The following RBFOX1 variants were observed in gnomAD, a reference collection of about 807,000 sequenced individuals.
The protein encoded by RBFOX1 is RNA binding protein fox-1 homolog 1.
In RBFOX1, 8 loss-of-function variants were observed where a neutral mutation model predicts 57.7. That is an observed-to-expected ratio of 0.14 (90% CI 0.08 to 0.25). The LOEUF (loss-of-function observed/expected upper bound fraction) is 0.25, where lower values mean the gene tolerates loss of function less well. Ranked by LOEUF, RBFOX1 falls within the 10% of genes least tolerant of loss-of-function variation. The pLI is 1.00. For synonymous variants in RBFOX1, 326 were observed against 222.4 expected (o/e 1.47, Z -4.15); for missense variants, 611 against 548.5 (o/e 1.11, Z -1.14).
chr16:6,922,122 C>T (rs927946868), intron 3 of RBFOX1, among the ~76,000 whole-genome samples: 2 of 152,110 alleles, frequency 1.3e-5, no homozygotes, highest in African/African-American at 4.8e-5. Context: ...CAGGCTGTTC[C>T]CTGTGCAACT....
At chr16:5,730,541 C>T (rs80228980) in intron 3 of RBFOX1, among the ~76,000 whole-genome samples, 3 of 152,126 alleles carry the variant, frequency 2.0e-5, no homozygotes, top group Non-Finnish European at 4.4e-5. Flanking sequence ...TAGAATAATA[C>T]TAATAATCAT....
intron 11 of RBFOX1, among the ~76,000 whole-genome samples, chr16:7,644,936 A>G (rs2063474196): frequency 6.6e-6 from 1 of 152,168 alleles, no homozygotes; most frequent in South Asian, 2.1e-4. Context: ...GACAAAGGAG[A>G]GAGAATCTGC....
At chr16:6,946,525 G>T (rs1259641745) in intron 3 of RBFOX1, among the ~76,000 whole-genome samples, 2 of 152,092 alleles carry the variant, frequency 1.3e-5, no homozygotes, top group African/African-American at 4.8e-5. Flanking sequence ...CATCCCTACT[G>T]TGTTTTCTAA....
At chr16:7,652,953 GA>G (rs1303054975) in intron 11 of RBFOX1, among the ~76,000 whole-genome samples, 1 of 152,158 alleles carries the variant, frequency 6.6e-6, no homozygotes, top group African/African-American at 2.4e-5. Context: ...TAGGATGGGG[GA>G]AAGTTATGAA....
At chr16:7,390,453 C>T (rs957598295) in intron 4 of RBFOX1, among the ~76,000 whole-genome samples, 1 of 152,196 alleles carries the variant, frequency 6.6e-6, no homozygotes, top group Non-Finnish European at 1.5e-5. Context: ...AGGGACCTTA[C>T]TCACATCTTC....
At chr16:7,280,978 TCC>T (rs2095531110) in intron 4 of RBFOX1, among the ~76,000 whole-genome samples, 3 of 26,888 alleles carry the variant, frequency 1.1e-4, no homozygotes, top group African/African-American at 3.8e-4. Context: ...CCTCCCTCCC[TCC>T]CTCCCTCCCT....
chr16:7,140,130 C>G lies in RBFOX1; in HGVS notation c.27+88032C>G, dbSNP rs141691011. Among the ~76,000 whole-genome samples, 647 of 148,422 alleles carry G rather than the reference C, an allele frequency of 4.4e-3. 5 individuals are homozygous for G. The highest frequency in any genetic ancestry group is 0.015 in the African/African-American group (613 of 40,306). ...TCTCTCTGCATGAAACTAATTCATT[C>G]TCATTCTCTTATTCTCTCCTTCTCT... On this transcript the variant is annotated intron_variant, in intron 4 of 15. Transcript: ENST00000550418.
At chr16:7,453,589 T>G (rs904797280) in intron 4 of RBFOX1, among the ~76,000 whole-genome samples, 3 of 152,166 alleles carry the variant, frequency 2.0e-5, no homozygotes, top group Admixed American at 2.0e-4. Context: ...AATGGCACTT[T>G]GATGAGCAGG....
chr16:5,693,347 A>G (rs1369959839), intron 3 of RBFOX1, among the ~76,000 whole-genome samples: 3 of 136,686 alleles, frequency 2.2e-5, no homozygotes, highest in Non-Finnish European at 4.7e-5. Flanking sequence ...TGACTATTTT[A>G]AAAGCATATA....
intron 1 of RBFOX1, among the ~76,000 whole-genome samples, chr16:6,127,108 AG>A (rs1459171462): frequency 6.6e-6 from 1 of 152,180 alleles, no homozygotes; most frequent in African/African-American, 2.4e-5. Context: ...GCAAGTGCAT[AG>A]GCCTCAGGTT....
chr16:5,435,355 G>T (rs2067884105), intron 1 of RBFOX1, among the ~76,000 whole-genome samples: 1 of 152,198 alleles, frequency 6.6e-6, no homozygotes. Context: ...TGGGGTGTGT[G>T]TGTGTTGGGG....
At chr16:6,975,200 T>C (rs754134951) in intron 3 of RBFOX1, among the ~76,000 whole-genome samples, 21 of 152,274 alleles carry the variant, frequency 1.4e-4, no homozygotes, top group Non-Finnish European at 1.5e-4. Flanking sequence ...GAGTGAAGCA[T>C]CTGCCCGACG....
chr16:7,508,621 A>G (rs978866315), intron 4 of RBFOX1, among the ~76,000 whole-genome samples: 1 of 152,146 alleles, frequency 6.6e-6, no homozygotes, highest in African/African-American at 2.4e-5. Context: ...GGAAATGGAA[A>G]CGTAAGGACG....
intron 3 of RBFOX1, among the ~76,000 whole-genome samples, chr16:6,929,080 T>A (rs548229368): frequency 6.6e-6 from 1 of 152,172 alleles, no homozygotes; most frequent in South Asian, 2.1e-4. Context: ...CTTGCCCCAC[T>A]CCCCAGTCTA....
intron 9 of RBFOX1, among the ~76,000 whole-genome samples, chr16:7,603,913 G>C (rs2095169062): frequency 6.6e-6 from 1 of 152,078 alleles, no homozygotes; most frequent in Non-Finnish European, 1.5e-5. Flanking sequence ...ACCATGACCA[G>C]AATGGACAGG....
At chr16:5,588,109 A>T (rs947793445) in intron 2 of RBFOX1, among the ~76,000 whole-genome samples, 1 of 152,202 alleles carries the variant, frequency 6.6e-6, no homozygotes, top group Non-Finnish European at 1.5e-5. Context: ...GCCAGGCACA[A>T]AAGACCATAG....
intron 1 of RBFOX1, among the ~76,000 whole-genome samples, chr16:6,175,321 G>A (rs2096996301): frequency 6.6e-6 from 1 of 152,202 alleles, no homozygotes; most frequent in African/African-American, 2.4e-5. Context: ...TAATAGGAGT[G>A]CTGAGTTACA....
chr16:6,719,778 C>T (rs967058855), intron 3 of RBFOX1, among the ~76,000 whole-genome samples: 2 of 152,018 alleles, frequency 1.3e-5, no homozygotes, highest in Non-Finnish European at 2.9e-5. Flanking sequence ...CCAAATTCTT[C>T]TGGTTATTGT....
chr16:6,594,389 A>G (rs2097756542), intron 2 of RBFOX1, among the ~76,000 whole-genome samples: 1 of 152,156 alleles, frequency 6.6e-6, no homozygotes, highest in African/African-American at 2.4e-5. Context: ...GCGATTATAA[A>G]TGGTGGCTGA....
Sources: allele counts gnomAD v4.1 joint callset (sites outside exome capture counted in the v4.1 genomes callset), GRCh38; gene constraint gnomAD v4.1.1; transcripts MANE v1.5; gene names NCBI Gene and HGNC (gene_info 2026-07-23, HGNC 2026-07-21).